SMPD4: variants seen among roughly 807,000 people sequenced by gnomAD.
SMPD4 encodes the protein neutral sphingomyelinase 3.
In SMPD4, 58 loss-of-function variants were observed where a neutral mutation model predicts 97.8. The observed-to-expected ratio is 0.59, with a 90% CI of 0.48 to 0.74. The LOEUF is 0.74. Among genes scored for constraint, SMPD4 ranks in the 30% least tolerant of loss-of-function variants. The probability of loss-of-function intolerance (pLI) is 0.00; values close to 1 mark genes in which losing one functional copy is unlikely to be tolerated. For missense variants in SMPD4, 853 were observed against 1,080.5 expected (o/e 0.79, Z 2.95); for synonymous variants, 388 against 450.0 (o/e 0.86, Z 1.74).
chr2:130,181,499 C>A, intron 1 of SMPD4, 31 bp downstream of exon 1: 3 of 1,584,198 alleles, frequency 1.9e-6, no homozygotes, highest in Non-Finnish European at 2.6e-6. Context: ...GGGCGCCGGA[C>A]CGTCTCAGGC....
At position 130,161,371 on chromosome 2, in the gene SMPD4, G is replaced by A. The variant is rs750961341; in HGVS notation, c.865-99C>T. The A allele has an allele frequency of 3.8e-4, 330 of 871,464 alleles. 2 individuals carry two copies. Among genetic ancestry groups the A allele is most frequent in the Non-Finnish European group, 5.7e-4 (295 of 519,484 alleles). The allele number at this position is 871,464 out of a possible 1,614,324, so 54.0% of individuals were successfully genotyped here. On this transcript the variant is annotated intron_variant, in intron 10 of 19. Coordinates refer to ENST00000680298, the MANE Select transcript of SMPD4 (RefSeq NM_017951.5). ...GAGATAGGACCAGACACGGGAGGGG[G>A]AAGCGGAGAGAGAAAGAAAGCAATG...
intron 1 of SMPD4, among the ~76,000 whole-genome samples, chr2:130,177,877 T>C (rs754355298): frequency 6.6e-6 from 1 of 152,172 alleles, no homozygotes; most frequent in African/African-American, 2.4e-5. Context: ...GGCAGAATTC[T>C]AAAGATAGCA....
At position 130,157,289 on chromosome 2, in the gene SMPD4, G is replaced by A; in HGVS notation, c.1059C>T (p.Ala353=). The A allele has an allele frequency of 6.4e-7, 1 of 1,563,908 alleles. No individual in the cohort carries two copies. The highest frequency in any genetic ancestry group is 8.7e-7 in the Non-Finnish European group (1 of 1,154,150). ...CCAGGGGGCTGGTGGCGTGGGAGTGGGCGGAGGGTGAGGCCTGCTCTGGCT... is the reference window on the plus strand; with the variant it reads ...CCAGGGGGCTGGTGGCGTGGGAGTGAGCGGAGGGTGAGGCCTGCTCTGGCT... ...SLKPEQASPS[A]HSHATSPLEE... The change falls in exon 12 of 20, where the codon GCC becomes GCT. Residue 353 remains alanine, a synonymous_variant. Transcript: ENST00000680298.
chr2:130,155,403 C>A (rs1212431412), intron 14 of SMPD4, 144 bp from the exon 15 acceptor site: 25 of 1,121,734 alleles, frequency 2.2e-5, no homozygotes, highest in Non-Finnish European at 2.8e-5. Flanking sequence ...CAGATGACAG[C>A]TCAGGGGGCC....
intron 17 of SMPD4, 110 bp downstream of exon 17, chr2:130,153,592 C>T (rs1409616881): frequency 5.8e-6 from 9 of 1,555,770 alleles, no homozygotes; most frequent in Non-Finnish European, 7.9e-6. Context: ...AACACTGGGT[C>T]CATATGTGTG....
At chr2:130,172,274 T>C in intron 8 of SMPD4, 75 bp downstream of exon 8, 1 of 1,433,776 alleles carries the variant, frequency 7.0e-7, no homozygotes, top group Non-Finnish European at 9.3e-7. Context: ...GTGGCAACAT[T>C]GTCCCCGTGG....
In SMPD4 at chr2:130,157,141, A is replaced by T. The variant is rs576639239; in HGVS notation, c.1097+110T>A. The T allele has an allele frequency of 1.6e-5, 20 of 1,287,730 alleles. No homozygotes were observed. In the East Asian group the frequency reaches 2.6e-4, roughly 16 times the overall value. The allele number at this position is 1,287,730 out of a possible 1,614,324, so 79.8% of individuals were successfully genotyped here. On this transcript the variant is annotated intron_variant, in intron 12 of 19. Coordinates refer to ENST00000680298, the MANE Select transcript of SMPD4 (RefSeq NM_017951.5). The stretch of plus-strand genomic sequence containing the variant: ...TCACGTGCTCTGTGAACAGAAAGGG[A>T]CTCCCCTCACCCTGCCCTCCATGCC...
intron 1 of SMPD4, 82 bp downstream of exon 1, chr2:130,181,448 G>A: frequency 2.0e-6 from 3 of 1,525,726 alleles, no homozygotes; most frequent in Non-Finnish European, 2.6e-6. Flanking sequence ...GGCTCGCGGA[G>A]GAACGGAGAT....
Position 130,172,449 on chromosome 2 carries a change from G to C in SMPD4, c.559C>G (p.Leu187Val). Residue 187 changes from leucine (L) to valine (V), a missense_variant, in exon 8 of 20, where the codon CTG (leucine) becomes GTG (valine). This residue lies in a region of SMPD4 where 313 missense variants were observed against 402.2 expected (regional missense o/e 0.78). Coordinates refer to ENST00000680298, the MANE Select transcript of SMPD4 (RefSeq NM_017951.5). ...AACCATGACAGGTACCTGTCCACCA[G>C]GATGAAATAGGCACAGTCTGAAGTA... ...VRTSDCAYFI[L>V]VDRYLSWFLP... 1 of 1,612,572 alleles carries C rather than the reference G, an allele frequency of 6.2e-7. No homozygotes were observed. Among genetic ancestry groups the C allele is most frequent in the East Asian group, 2.2e-5 (1 of 44,848 alleles).
Position 130,164,435 on chromosome 2 carries a change from T to C in SMPD4, c.803A>G (p.Glu268Gly). The change falls in exon 10 of 20, where the codon GAA (glutamate) becomes GGA (glycine). Residue 268 changes from glutamate (E) to glycine (G), a missense_variant. Around this residue, in one of 3 missense-constraint regions of SMPD4, gnomAD observed 313 missense variants for 402.2 expected, o/e 0.78. Transcript: ENST00000680298. ...CAAGGAATAGTGATGAAGCCACATT[T>C]CAACAAAAACCTGCAAAAAAGCATT... The part of the protein sequence containing the change: ...RSETLLQVFV[E>G]MWLHHYSLEM... 1 of 1,614,076 alleles carries C rather than the reference T, an allele frequency of 6.2e-7. No homozygotes were observed. Among genetic ancestry groups the C allele is most frequent in the Non-Finnish European group, 8.5e-7 (1 of 1,179,988 alleles).
intron 1 of SMPD4, chr2:130,181,298 G>A (rs1689590308): frequency 2.8e-6 from 4 of 1,410,070 alleles, no homozygotes; most frequent in Admixed American, 5.9e-5. Flanking sequence ...ACACCTACCG[G>A]ACCGGGACAG....
chr2:130,158,522 C>T (rs536548665), intron 11 of SMPD4, among the ~76,000 whole-genome samples: 4 of 152,116 alleles, frequency 2.6e-5, no homozygotes, highest in African/African-American at 9.7e-5. Context: ...ACCATGTTGG[C>T]CTGACCTCAG....
At chr2:130,159,575 T>C (rs1260201974) in intron 11 of SMPD4, 2 of 151,238 alleles carry the variant, frequency 1.3e-5, no homozygotes, top group African/African-American at 4.9e-5. Flanking sequence ...GAGGTGGAGA[T>C]TGCAGTGAGC....
At chr2:130,156,205 A>G in intron 13 of SMPD4, 70 bp from the exon 14 acceptor site, 3 of 1,363,930 alleles carry the variant, frequency 2.2e-6, no homozygotes, top group South Asian at 2.5e-5. Context: ...GAGCCCAGAT[A>G]CCAGGCGGCA....
At chr2:130,172,236 A>G (rs971220633) in intron 8 of SMPD4, 113 bp downstream of exon 8, 19 of 1,240,910 alleles carry the variant, frequency 1.5e-5, no homozygotes, top group Middle Eastern at 2.8e-4. Flanking sequence ...ATGAGGCATA[A>G]GAAAAATTGG....
intron 5 of SMPD4, 116 bp from the exon 6 acceptor site, chr2:130,173,011 C>T (rs1688624271): frequency 1.4e-6 from 2 of 1,393,624 alleles, no homozygotes; most frequent in East Asian, 2.5e-5. Context: ...GACCCACACA[C>T]AGAACCCACC....
intron 1 of SMPD4, among the ~76,000 whole-genome samples, chr2:130,177,184 G>A (rs1187005416): frequency 6.6e-6 from 1 of 152,212 alleles, no homozygotes; most frequent in East Asian, 1.9e-4. Context: ...GAGCTCAAGT[G>A]ATCCTCCTGC....
intron 8 of SMPD4, among the ~76,000 whole-genome samples, chr2:130,169,618 T>G (rs1013446322): frequency 6.6e-6 from 1 of 151,958 alleles, no homozygotes; most frequent in African/African-American, 2.4e-5. Flanking sequence ...CAGGCTAAAG[T>G]GCAGTGGCAC....
At position 130,172,397 on chromosome 2, in the gene SMPD4, G is replaced by A. The variant is rs140146565; in HGVS notation, c.611C>T (p.Pro204Leu). The A allele has an allele frequency of 6.2e-7, 1 of 1,610,982 alleles. No individual in the cohort carries two copies. The highest frequency in any genetic ancestry group is 1.3e-5 in the African/African-American group (1 of 74,878). The change falls in exon 8 of 20, where the codon CCA becomes CTA. Residue 204 changes from proline to leucine, a missense_variant. By Grantham distance (98) the Pro-to-Leu change is moderately conservative. Coordinates refer to ENST00000680298, the MANE Select transcript of SMPD4 (RefSeq NM_017951.5). ...WFLPTEGSVP[P>L]PLSSSPGGTS... ...CCCCCCTGGGCTGGAGGAGAGTGGT[G>A]GGGGCACACTGCCTTCGGTGGGCAG...
Sources: gnomAD v4.1 joint callset for allele counts (sites outside exome capture counted in the v4.1 genomes callset) on GRCh38, gnomAD v4.1.1 for gene constraint, gnomAD v4.1.1 regional missense constraint, MANE v1.5 for transcripts, NCBI Gene and HGNC (gene_info 2026-07-23, HGNC 2026-07-21) for gene names.